Variants in KCNH1 observed in about 807,000 individuals in gnomAD.
KCNH1 encodes potassium voltage-gated channel subfamily H member 1.
Under a neutral mutation model 69.2 loss-of-function variants are expected in KCNH1, and 27 were observed. The ratio of observed to expected loss-of-function variants is 0.39; its 90% CI spans 0.29 to 0.54. The LOEUF is 0.54. KCNH1 is among the 20% of genes least tolerant of loss of function. The pLI is 0.68. For missense variants in KCNH1, 798 were observed against 1,261.6 expected, an observed-to-expected ratio of 0.63 and a Z score of 5.57; for synonymous variants, 456 against 487.7, an observed-to-expected ratio of 0.93 and a Z score of 0.86.
chr1:210,806,745 G>A (rs376670248), intron 7 of KCNH1, among the ~76,000 whole-genome samples: 26 of 144,406 alleles, frequency 1.8e-4, no homozygotes, highest in East Asian at 4.2e-4. Flanking sequence ...CGAGGCAGGC[G>A]GATCACCTGA....
chr1:210,865,883 C>A (rs1221171720), intron 7 of KCNH1, among the ~76,000 whole-genome samples: 2 of 152,148 alleles, frequency 1.3e-5, no homozygotes, highest in East Asian at 3.9e-4. Context: ...TGGGTGAATT[C>A]CCATTTTGAT....
chr1:210,828,288 C>T (rs1685075823), intron 7 of KCNH1, among the ~76,000 whole-genome samples: 1 of 152,138 alleles, frequency 6.6e-6, no homozygotes, highest in Admixed American at 6.6e-5. Flanking sequence ...CTTTACTAAG[C>T]TCCCACTAAC....
intron 7 of KCNH1, among the ~76,000 whole-genome samples, chr1:210,829,317 T>C (rs949125045): frequency 6.6e-6 from 1 of 152,228 alleles, no homozygotes; most frequent in Non-Finnish European, 1.5e-5. Flanking sequence ...TGGTAAGTTC[T>C]AGTACCAACA....
chr1:210,766,750 CAG>C (rs766029040), intron 10 of KCNH1, among the ~76,000 whole-genome samples: 16 of 152,144 alleles, frequency 1.1e-4, no homozygotes, highest in Non-Finnish European at 8.8e-5. Context: ...ACAAAGTTTG[CAG>C]AGAGATAAAC....
At chr1:211,056,497 T>C (rs778404235) in intron 5 of KCNH1, among the ~76,000 whole-genome samples, 2 of 151,744 alleles carry the variant, frequency 1.3e-5, no homozygotes, top group Non-Finnish European at 2.9e-5. Flanking sequence ...CAAGCCTGCC[T>C]GGATTTGCCA....
intron 10 of KCNH1, among the ~76,000 whole-genome samples, chr1:210,757,908 A>G (rs530060509): frequency 6.6e-6 from 1 of 152,378 alleles, no homozygotes; most frequent in South Asian, 2.1e-4. Context: ...TAATGGAATT[A>G]CTGAAGAGCT....
chr1:211,121,636 C>T (rs1691686504), intron 1 of KCNH1, among the ~76,000 whole-genome samples: 1 of 152,114 alleles, frequency 6.6e-6, no homozygotes, highest in Non-Finnish European at 1.5e-5. Context: ...GACTTCATGA[C>T]AAAAACGCCA....
At chr1:210,967,649 T>C (rs888871896) in intron 6 of KCNH1, among the ~76,000 whole-genome samples, 2 of 152,174 alleles carry the variant, frequency 1.3e-5, no homozygotes, top group African/African-American at 4.8e-5. Flanking sequence ...TCAATTTGTC[T>C]ATCCTGAATC....
chr1:210,758,652 G>A (rs567727190), intron 10 of KCNH1, among the ~76,000 whole-genome samples: 1 of 152,262 alleles, frequency 6.6e-6, no homozygotes, highest in African/African-American at 2.4e-5. Flanking sequence ...GCTGCTAAAG[G>A]GAGCACCACC....
At chr1:210,696,584 T>G (rs912983190) in intron 10 of KCNH1, among the ~76,000 whole-genome samples, 10 of 152,174 alleles carry the variant, frequency 6.6e-5, no homozygotes, top group Non-Finnish European at 1.2e-4. Flanking sequence ...TCAAAGAAAC[T>G]AGTAGCATGA....
chr1:211,064,492 C>T (rs1690493141), intron 5 of KCNH1, among the ~76,000 whole-genome samples: 1 of 151,894 alleles, frequency 6.6e-6, no homozygotes, highest in African/African-American at 2.4e-5. Flanking sequence ...ACCTGGGAGG[C>T]GGAGCTTGCA....
At chr1:211,118,210 T>C (rs535201940) in intron 1 of KCNH1, among the ~76,000 whole-genome samples, 1 of 152,236 alleles carries the variant, frequency 6.6e-6, no homozygotes, top group Non-Finnish European at 1.5e-5. Context: ...AAATATGCTA[T>C]TGATGCACAC....
rs575469584 is a variant in KCNH1, at chr1:210,976,933, T to A, written c.1032+41850A>T. On this transcript the variant is annotated intron_variant, in intron 6 of 10. Transcript: ENST00000271751. ...GGGATCTAGAACTAGAAATACCATT[T>A]GACCCAGCCATCCCATTACTGGGTA... Among the ~76,000 whole-genome samples, 437 of 150,032 alleles carry A rather than the reference T, an allele frequency of 2.9e-3. 1 individual carries two copies. Among genetic ancestry groups the A allele is most frequent in the African/African-American group, 0.01 (419 of 40,628 alleles).
intron 10 of KCNH1, among the ~76,000 whole-genome samples, chr1:210,692,358 A>G (rs748694397): frequency 2.6e-5 from 4 of 152,148 alleles, no homozygotes; most frequent in African/African-American, 4.8e-5. Context: ...TTCCTTCTCA[A>G]TGCCATCCAG....
At chr1:210,740,027 T>C (rs1682983693) in intron 10 of KCNH1, among the ~76,000 whole-genome samples, 1 of 152,108 alleles carries the variant, frequency 6.6e-6, no homozygotes, top group Non-Finnish European at 1.5e-5. Context: ...AGGGACTCTA[T>C]AGAGTTAAAT....
intron 7 of KCNH1, among the ~76,000 whole-genome samples, chr1:210,877,987 A>C (rs969458525): frequency 6.6e-6 from 1 of 152,164 alleles, no homozygotes; most frequent in African/African-American, 2.4e-5. Flanking sequence ...CTGGTATATG[A>C]ATTCAATATT....
At chr1:211,112,013 G>A (rs934502128) in intron 1 of KCNH1, among the ~76,000 whole-genome samples, 1 of 149,582 alleles carries the variant, frequency 6.7e-6, no homozygotes, top group Non-Finnish European at 1.5e-5. Context: ...CACCATCTGG[G>A]AAGTGAGGAG....
At position 210,678,845 on chromosome 1, in the gene KCNH1, G is replaced by A. The variant is rs898210285; in HGVS notation, c.*4436C>T. On this transcript the variant is annotated 3_prime_UTR_variant, in exon 11 of 11. Transcript: ENST00000271751. ...TGAACAACTAATGGATCCGTCGGAT[G>A]ACTCAGAAGTCACAGATAAAGGGAC... 6 of 152,318 alleles carry A rather than the reference G, an allele frequency of 3.9e-5. No homozygotes were observed. The East Asian group carries it at 1.2e-3, about 29-fold the overall frequency. The allele number at this position is 152,318 out of a possible 1,614,324, so 9.4% of individuals were successfully genotyped here.
chr1:210,923,325 C>T (rs981252511), intron 6 of KCNH1, among the ~76,000 whole-genome samples: 4 of 152,198 alleles, frequency 2.6e-5, no homozygotes, highest in Admixed American at 1.3e-4. Context: ...AGCCTCTCCT[C>T]GACCACTCCC....
Sources: allele counts gnomAD v4.1 joint callset (sites outside exome capture counted in the v4.1 genomes callset), GRCh38; gene constraint gnomAD v4.1.1; transcripts MANE v1.5; gene names NCBI Gene and HGNC (gene_info 2026-07-23, HGNC 2026-07-21).